The following NDRG2 variants were observed in gnomAD, a reference collection of about 807,000 sequenced individuals.
NDRG2 encodes the protein NDRG family member 2.
In NDRG2, 34 loss-of-function variants were observed where a neutral mutation model predicts 58.2. That is an observed-to-expected ratio of 0.58 (90% CI 0.44 to 0.78). NDRG2 has a LOEUF of 0.78. NDRG2 is among the 30% of genes least tolerant of loss of function. NDRG2 has a pLI of 0.00. For synonymous variants in NDRG2, 187 were observed against 175.9 expected (o/e 1.06, Z -0.50); for missense variants, 434 against 471.2 (o/e 0.92, Z 0.73).
intron 6 of NDRG2, chr14:21,021,592 G>A (rs1880373282): frequency 1.8e-6 from 1 of 568,086 alleles, no homozygotes; most frequent in South Asian, 2.1e-5. Flanking sequence ...GCCAAGCATA[G>A]ACCCTTTTCC....
chr14:21,037,108 C>T (rs1011033907), intron 1 of NDRG2, among the ~76,000 whole-genome samples: 4 of 129,922 alleles, frequency 3.1e-5, no homozygotes, highest in Middle Eastern at 3.8e-3. Flanking sequence ...CCACCCATCA[C>T]CGCTCTTCGC....
intron 1 of NDRG2, among the ~76,000 whole-genome samples, chr14:21,054,861 C>G (rs117425872): frequency 0.017 from 2,634 of 152,264 alleles, 39 homozygotes; most frequent in Non-Finnish European, 0.024. Context: ...TCTTTACTTT[C>G]CACCAAGAAC....
chr14:21,017,239 T>C lies in NDRG2; in HGVS notation c.*357A>G. On this transcript the variant is annotated 3_prime_UTR_variant, in exon 16 of 16. Transcript: ENST00000556147. ...CCTCCCCTTGCAAATATGGGACAAG[T>C]AGGGAGAGTCTGATGGAGGCACCAG... 1 of 376,228 alleles carries C rather than the reference T, an allele frequency of 2.7e-6. No homozygotes were observed. The highest frequency in any genetic ancestry group is 5.2e-6 in the Non-Finnish European group (1 of 193,574). 23.3% of individuals were successfully genotyped at this position (376,228 alleles called of 1,614,324 possible). A position where few individuals can be genotyped will look rare whatever the true frequency, so the allele number is the denominator to read the frequency against.
At chr14:21,032,347 A>G (rs1884270298) in intron 1 of NDRG2, 1 of 556,672 alleles carries the variant, frequency 1.8e-6, no homozygotes. Flanking sequence ...ATGGAAGAAT[A>G]TATTTGGAGT....
upstream of NDRG2, among the ~76,000 whole-genome samples, chr14:21,026,156 A>G: frequency 6.6e-6 from 1 of 151,716 alleles, no homozygotes; most frequent in African/African-American, 2.4e-5. Flanking sequence ...GCACACGCAC[A>G]CACACACACA....
rs769599538 is a variant in NDRG2, at chr14:21,031,089, G to A, written c.25-7768C>T. On this transcript the variant is annotated intron_variant, in intron 1 of 14. Transcript: ENST00000403829. ...GAACTGGGCCAGAAGCGCTTCAAAG[G>A]GAAGAGTCCAGATGAAGTCCTGGAG... 4 of 1,614,152 alleles carry A rather than the reference G, an allele frequency of 2.5e-6. No individual in the cohort carries two copies. In the South Asian group the frequency reaches 4.4e-5, roughly 18 times the overall value.
chr14:21,022,329 A>T, intron 4 of NDRG2, 63 bp downstream of exon 4: 1 of 1,581,418 alleles, frequency 6.3e-7, no homozygotes, highest in Non-Finnish European at 8.7e-7. Flanking sequence ...TCTGGGTTTC[A>T]TTTCTACCCT....
At chr14:21,018,101 G>C (rs1158824157) in intron 14 of NDRG2, 63 bp from the exon 15 acceptor site, 3 of 1,601,024 alleles carry the variant, frequency 1.9e-6, no homozygotes, top group Admixed American at 3.3e-5. Context: ...GCTGGAGCCT[G>C]AGGCTGCGGC....
chr14:21,019,814 A>T, intron 9 of NDRG2, 72 bp from the exon 10 acceptor site: 1 of 1,516,552 alleles, frequency 6.6e-7, no homozygotes, highest in Non-Finnish European at 9.1e-7. Context: ...AAAAGAGGTA[A>T]GCCTTCTTCC....
At chr14:21,050,738 A>G (rs992942611) in intron 1 of NDRG2, among the ~76,000 whole-genome samples, 8 of 152,144 alleles carry the variant, frequency 5.3e-5, no homozygotes, top group African/African-American at 1.7e-4. Context: ...ATCAATGTCA[A>G]TTTCCCCTTT....
At chr14:21,032,229 G>A in intron 1 of NDRG2, 3 of 796,222 alleles carry the variant, frequency 3.8e-6, no homozygotes, top group South Asian at 1.5e-5. Flanking sequence ...GGGAGAAGAG[G>A]CAGCACAGGA....
chr14:21,068,042 C>A (rs1277156956), intron 1 of NDRG2, among the ~76,000 whole-genome samples: 1 of 8,696 alleles, frequency 1.1e-4, no homozygotes, highest in African/African-American at 1.7e-4. Context: ...CTCTGTCGCC[C>A]AGGCTGGAGT....
At chr14:21,066,359 C>T (rs527549184) in intron 1 of NDRG2, among the ~76,000 whole-genome samples, 1 of 145,768 alleles carries the variant, frequency 6.9e-6, no homozygotes, top group Non-Finnish European at 1.5e-5. Flanking sequence ...CTCACTTTGT[C>T]GCCAGGCTGG....
At chr14:21,029,988 A>G (rs888799843), upstream of NDRG2, among the ~76,000 whole-genome samples, 5 of 152,232 alleles carry the variant, frequency 3.3e-5, no homozygotes, top group Admixed American at 6.5e-5. Context: ...GGGGCAGAGC[A>G]TAAGGCAATT....
chr14:21,034,446 G>T, intron 1 of NDRG2: 1 of 630,060 alleles, frequency 1.6e-6, no homozygotes, highest in South Asian at 2.0e-5. Context: ...GGAGATGCTT[G>T]CCCAAGGCCA....
At chr14:21,040,567 T>C (rs1884841911) in intron 1 of NDRG2, among the ~76,000 whole-genome samples, 1 of 152,208 alleles carries the variant, frequency 6.6e-6, no homozygotes, top group African/African-American at 2.4e-5. Context: ...TTCCCTACTG[T>C]GCTTGGAGTA....
intron 1 of NDRG2, chr14:21,023,606 G>A: frequency 2.5e-6 from 1 of 402,864 alleles, no homozygotes; most frequent in East Asian, 4.2e-5. Flanking sequence ...CTCTGCCCTG[G>A]ACCAAAATAC....
chr14:21,034,504 A>T (rs1308573752), intron 1 of NDRG2, among the ~76,000 whole-genome samples: 1 of 152,160 alleles, frequency 6.6e-6, no homozygotes, highest in Non-Finnish European at 1.5e-5. Context: ...CTGGTCCACC[A>T]CAGAATCTCA....
intron 1 of NDRG2, chr14:21,031,764 C>G (rs1424823468): frequency 1.9e-6 from 2 of 1,043,990 alleles, no homozygotes; most frequent in Non-Finnish European, 2.8e-6. Context: ...CCTAAGAAAG[C>G]AGCACCCCAT....
Sources: allele counts gnomAD v4.1 joint callset (sites outside exome capture counted in the v4.1 genomes callset), GRCh38; gene constraint gnomAD v4.1.1; transcripts MANE v1.5; gene names NCBI Gene and HGNC (gene_info 2026-07-23, HGNC 2026-07-21).